The following PCDHGA6 variants were observed in gnomAD, a reference collection of about 807,000 sequenced individuals.
PCDHGA6 encodes protocadherin gamma subfamily A, 6.
In PCDHGA6, 41 loss-of-function variants were observed where a neutral mutation model predicts 60.6. The ratio of observed to expected loss-of-function variants is 0.68; its 90% confidence interval spans 0.53 to 0.88. The LOEUF (loss-of-function observed/expected upper bound fraction) is 0.88, where lower values mean the gene tolerates loss of function less well. PCDHGA6 is among the 40% of genes least tolerant of loss of function. PCDHGA6 has a pLI of 0.00. For synonymous variants in PCDHGA6, 594 were observed against 524.4 expected, an observed-to-expected ratio of 1.13 and a Z score of -1.81; for missense variants, 1,312 against 1,203.0, an observed-to-expected ratio of 1.09 and a Z score of -1.34.
At chr5:141,399,409 CT>C in intron 1 of PCDHGA6, 2 of 1,614,052 alleles carry the variant, frequency 1.2e-6, no homozygotes, top group South Asian at 2.2e-5. Flanking sequence ...CAAGCCGCCC[CT>C]CTCCTCCAGC....
At position 141,493,235 on chromosome 5, in the gene PCDHGA6, T is replaced by G. The variant is rs541360337; in HGVS notation, c.2425-1572T>G. Among the ~76,000 whole-genome samples the G allele has an allele frequency of 6.6e-6, 1 of 152,352 alleles. No homozygotes were observed. The highest frequency in any genetic ancestry group is 1.5e-5 in the Non-Finnish European group (1 of 68,036). On this transcript the variant is annotated intron_variant, in intron 1 of 3. Transcript: ENST00000517434. This position sits in a 1 kb window ranked among gnomAD's most constrained non-coding sequence, Gnocchi z 4.3. ...TGCTCTTCCCACCATTGCTGTTGGC[T>G]AGGTACTAACATGCCTCTCTTATAA...
chr5:141,388,676 G>C, intron 1 of PCDHGA6: 1 of 1,613,946 alleles, frequency 6.2e-7, no homozygotes, highest in Non-Finnish European at 8.5e-7. Context: ...TGCTACAGGT[G>C]ACTGCCACGG....
At chr5:141,388,529 G>A in intron 1 of PCDHGA6, 1 of 1,613,814 alleles carries the variant, frequency 6.2e-7, no homozygotes, top group South Asian at 1.1e-5. Context: ...TGACTGCCTT[G>A]GACTTTGGAG....
chr5:141,505,402 T>G lies in PCDHGA6; in HGVS notation c.2493T>G (p.Asn831Lys), dbSNP rs1216666169. 1.9e-6 allele frequency: 3 copies of G among 1,614,014 alleles called. No homozygotes were observed. Among genetic ancestry groups the G allele is most frequent in the Non-Finnish European group, 2.5e-6 (3 of 1,180,034 alleles). Residue 831 changes from asparagine (N) to lysine (K), a missense_variant, in exon 3 of 4, where the codon AAT (asparagine) becomes AAG (lysine). Coordinates refer to ENST00000517434, the MANE Select transcript of PCDHGA6 (RefSeq NM_018919.3). The part of the protein sequence containing the change: ...AQRPGTSGSQ[N>K]GDDTGTWPNN... ...CCTACTCTCTCCCCAGCTCCCAAAA[T>G]GGCGATGACACCGGCACCTGGCCCA...
intron 1 of PCDHGA6, among the ~76,000 whole-genome samples, chr5:141,470,483 G>T (rs1163257164): frequency 6.6e-6 from 1 of 152,112 alleles, no homozygotes; most frequent in African/African-American, 2.4e-5. Context: ...CTAACCCTCT[G>T]GGAATAATAT....
chr5:141,437,794 G>C (rs1162440523), intron 1 of PCDHGA6, among the ~76,000 whole-genome samples: 1 of 150,526 alleles, frequency 6.6e-6, no homozygotes, highest in Non-Finnish European at 1.5e-5. Context: ...CTGGAGTGCA[G>C]TGGCACTATC....
At position 141,432,783 on chromosome 5, in the gene PCDHGA6, T is replaced by G; in HGVS notation, c.2424+56276T>G. The G allele has an allele frequency of 6.2e-7, 1 of 1,614,118 alleles. No individual in the cohort carries two copies. On this transcript the variant is annotated intron_variant, in intron 1 of 3. Transcript: ENST00000517434. The surrounding 1 kb of genome is among the most constrained non-coding windows in gnomAD (Gnocchi z 6.0). ...AGCATCCCCCAAGTCCTGGCGGACC[T>G]CGGCAGCCTCGAGTCTCCAGCTAAC...
In PCDHGA6 at chr5:141,378,672, A is replaced by T. The variant is rs367846333; in HGVS notation, c.2424+2165A>T. ...GTTAATGAGGTTCAAATAAAAATTTAAATATTTTAGCATTTTAACCCAGAC... is the reference window on the plus strand; with the variant it reads ...GTTAATGAGGTTCAAATAAAAATTTTAATATTTTAGCATTTTAACCCAGAC... On this transcript the variant is annotated intron_variant, in intron 1 of 3. Coordinates refer to ENST00000517434, the MANE Select transcript of PCDHGA6 (RefSeq NM_018919.3). The T allele has an allele frequency of 1.8e-4, 28 of 152,392 alleles. 3 individuals are homozygous for T. Among genetic ancestry groups the T allele is most frequent in the Admixed American group, 1.5e-3 (23 of 15,312 alleles). 9.4% of individuals were successfully genotyped at this position (152,392 alleles called of 1,614,324 possible). A position where few individuals can be genotyped will look rare whatever the true frequency, so the allele number is the denominator to read the frequency against.
At chr5:141,423,357 C>G in intron 1 of PCDHGA6, 1 of 1,614,214 alleles carries the variant, frequency 6.2e-7, no homozygotes. Context: ...TCTTTGTCAT[C>G]GTGCTGCTGG....
At chr5:141,427,239 G>C (rs1160872088) in intron 1 of PCDHGA6, 1 of 456,746 alleles carries the variant, frequency 2.2e-6, no homozygotes, top group East Asian at 6.9e-5. Flanking sequence ...GAGAGTAGAA[G>C]CTAAGGATGG....
intron 1 of PCDHGA6, chr5:141,423,486 C>G: frequency 6.2e-7 from 1 of 1,613,952 alleles, no homozygotes; most frequent in Non-Finnish European, 8.5e-7. Context: ...TCCTGCAAAC[C>G]TATTCCCACG....
intron 1 of PCDHGA6, among the ~76,000 whole-genome samples, chr5:141,430,388 A>G (rs2097280501): frequency 6.6e-6 from 1 of 152,106 alleles, no homozygotes; most frequent in Non-Finnish European, 1.5e-5. Flanking sequence ...ATTGGGAAAA[A>G]AAAAAAAAGC....
chr5:141,490,497 C>G lies in PCDHGA6; in HGVS notation c.2425-4310C>G. The stretch of plus-strand genomic sequence containing the variant: ...CTTTGGACCGGGAGGCCACATCCCA[C>G]TATATCATCGAGCTGCTGGCCAGCG... On this transcript the variant is annotated intron_variant, in intron 1 of 3. Transcript: ENST00000517434. The surrounding 1 kb of genome is among the most constrained non-coding windows in gnomAD (Gnocchi z 5.4). 6.2e-7 allele frequency: 1 copy of G among 1,614,196 alleles called. No individual in the cohort carries two copies. Among genetic ancestry groups the G allele is most frequent in the South Asian group, 1.1e-5 (1 of 91,084 alleles).
chr5:141,381,832 T>TCTTC (rs1561589349), intron 1 of PCDHGA6, among the ~76,000 whole-genome samples: 34 of 135,172 alleles, frequency 2.5e-4, no homozygotes, highest in African/African-American at 1.0e-3. Context: ...TCTTCTTTTT[T>TCTTC]TTTTTTTTTT....
At chr5:141,388,721 C>A (rs373386803) in intron 1 of PCDHGA6, 33 of 1,613,884 alleles carry the variant, frequency 2.0e-5, no homozygotes, top group Non-Finnish European at 2.7e-5. Context: ...AGATTACTTT[C>A]TCTTTCAGTG....
At position 141,418,522 on chromosome 5, in the gene PCDHGA6, C is replaced by T. The variant is rs751177053; in HGVS notation, c.2424+42015C>T. The T allele has an allele frequency of 1.5e-5, 24 of 1,613,884 alleles. No individual in the cohort carries two copies. The African/African-American group carries it at 2.7e-4, about 18-fold the overall frequency. ...CCGCCTTAGATGGTGGGGACCCTCC[C>T]CGAAGCGGTACTGCTCAGATAAGAA... is the stretch of plus-strand genomic sequence containing the variant. On this transcript the variant is annotated intron_variant, in intron 1 of 3. Transcript: ENST00000517434.
In PCDHGA6 at chr5:141,391,294, C is replaced by T. The variant is rs1189563844; in HGVS notation, c.2424+14787C>T. On this transcript the variant is annotated intron_variant, in intron 1 of 3. Transcript: ENST00000517434. Reference sequence around the variant, plus strand: ...TTTACAAATTGCTGAAAGAAGGAAACGTCTTTCGATTCTTTTTTTTTTCTT... The same window carrying T: ...TTTACAAATTGCTGAAAGAAGGAAATGTCTTTCGATTCTTTTTTTTTTCTT... 5.9e-5 allele frequency: 9 copies of T among 151,668 alleles called. 2 individuals are homozygous for T. The highest frequency in any genetic ancestry group is 5.3e-4 in the Admixed American group (8 of 15,220). 9.4% of individuals were successfully genotyped at this position (151,668 alleles called of 1,614,324 possible).
Position 141,374,773 on chromosome 5 carries a change from A to T in PCDHGA6, c.690A>T (p.Val230=), listed in dbSNP as rs192855761. ...GCTCAAGCGTCGCCCAAATTCTGGT[A>T]ACAGTTCTAGATGTGAATGACAACA... The part of the protein sequence containing the change: ...PVRSSVAQIL[V]TVLDVNDNTP... Residue 230 remains valine, a synonymous_variant, in exon 1 of 4, where the codon GTA becomes GTT. Coordinates refer to ENST00000517434, the MANE Select transcript of PCDHGA6 (RefSeq NM_018919.3). 9 of 1,613,812 alleles carry T rather than the reference A, an allele frequency of 5.6e-6. No homozygotes were observed. The highest frequency in any genetic ancestry group is 1.6e-4 in the Middle Eastern group (1 of 6,062).
At chr5:141,410,319 C>A in intron 1 of PCDHGA6, 2 of 1,614,018 alleles carry the variant, frequency 1.2e-6, no homozygotes, top group Admixed American at 1.7e-5. Flanking sequence ...TTCCTCCTCG[C>A]CGTGATTCTG....
Sources: gnomAD v4.1 joint callset for allele counts (sites outside exome capture counted in the v4.1 genomes callset) on GRCh38, gnomAD v4.1.1 for gene constraint, Gnocchi (gnomAD v3.1) non-coding constraint, MANE v1.5 for transcripts, NCBI Gene and HGNC (gene_info 2026-07-23, HGNC 2026-07-21) for gene names.